The following MAGI1 variants were observed in gnomAD, a reference collection of about 807,000 sequenced individuals.
MAGI1 encodes membrane associated guanylate kinase, WW and PDZ domain containing 1, also known as membrane-associated guanylate kinase, WW and PDZ domain-containing protein 1.
MAGI1 carries 58 observed loss-of-function variants against 139.9 expected under a neutral mutation model. The observed-to-expected ratio is 0.41, with a 90% CI of 0.34 to 0.52. The LOEUF (loss-of-function observed/expected upper bound fraction) is 0.52. MAGI1 is among the 20% of genes least tolerant of loss of function. MAGI1 has a pLI of 0.12. For synonymous variants in MAGI1, 812 were observed against 737.9 expected (o/e 1.10, Z -1.63); for missense variants, 1,874 against 1,901.6 (o/e 0.99, Z 0.27).
At chr3:65,487,734 T>G (rs1951716347) in intron 3 of MAGI1, among the ~76,000 whole-genome samples, 1 of 152,188 alleles carries the variant, frequency 6.6e-6, no homozygotes, top group African/African-American at 2.4e-5. Context: ...ACCACTCCTC[T>G]GCATAACATC....
At chr3:65,359,234 C>T in intron 22 of MAGI1, 1 of 1,572,600 alleles carries the variant, frequency 6.4e-7, no homozygotes, top group Non-Finnish European at 8.6e-7. Flanking sequence ...CATTTAGATT[C>T]CCTATAACAC....
At chr3:65,418,288 G>A (rs1575673005) in intron 12 of MAGI1, among the ~76,000 whole-genome samples, 1 of 152,106 alleles carries the variant, frequency 6.6e-6, no homozygotes, top group Non-Finnish European at 1.5e-5. Flanking sequence ...TAACTAGATT[G>A]TGAGTACTAT....
In MAGI1 at chr3:65,408,007, A is replaced by G. The variant is rs563613062; in HGVS notation, c.2168-6537T>C. Among the ~76,000 whole-genome samples the G allele has an allele frequency of 3.1e-4, 47 of 152,290 alleles. 1 individual carries two copies. Among genetic ancestry groups the G allele is most frequent in the Admixed American group, 3.0e-3 (46 of 15,300 alleles). On this transcript the variant is annotated intron_variant, in intron 12 of 22. Coordinates refer to ENST00000402939, the MANE Select transcript of MAGI1 (RefSeq NM_001033057.2). ...CATGGCCTTGATTGAAAAATGTGAC[A>G]CAAAGCTGTTATAGCCCCTCTCAAG...
At chr3:65,753,749 GA>G (rs1256973916) in intron 1 of MAGI1, among the ~76,000 whole-genome samples, 1 of 150,764 alleles carries the variant, frequency 6.6e-6, no homozygotes, top group Non-Finnish European at 1.5e-5. Flanking sequence ...GCTGGCAAGT[GA>G]AAGAGTCTAG....
intron 2 of MAGI1, among the ~76,000 whole-genome samples, chr3:65,520,536 G>A (rs183006669): frequency 6.6e-6 from 1 of 152,126 alleles, no homozygotes. Flanking sequence ...AGATAATGTA[G>A]GTAAAATGCT....
intron 2 of MAGI1, among the ~76,000 whole-genome samples, chr3:65,516,175 C>CCTCT (rs994558203): frequency 1.3e-5 from 2 of 150,484 alleles, no homozygotes; most frequent in African/African-American, 2.4e-5. Flanking sequence ...ACCCTGTCTC[C>CCTCT]CTCTCTCTCT....
intron 4 of MAGI1, among the ~76,000 whole-genome samples, chr3:65,477,043 G>A (rs574549769): frequency 1.1e-4 from 16 of 152,128 alleles, no homozygotes; most frequent in Non-Finnish European, 2.1e-4. Context: ...CAATCCTAGC[G>A]AGTCATTTTA....
chr3:65,677,420 G>T (rs868544737), intron 1 of MAGI1, among the ~76,000 whole-genome samples: 1 of 152,152 alleles, frequency 6.6e-6, no homozygotes, highest in Middle Eastern at 3.2e-3. Flanking sequence ...TCATATCGAA[G>T]ACTTGACCTG....
chr3:65,382,638 CCT>C (rs1215139994), intron 15 of MAGI1, among the ~76,000 whole-genome samples: 1 of 152,168 alleles, frequency 6.6e-6, no homozygotes, highest in Non-Finnish European at 1.5e-5. Context: ...GCCTGCCTTG[CCT>C]TTCCAGCAGA....
chr3:65,798,511 G>A (rs900206287), intron 1 of MAGI1, among the ~76,000 whole-genome samples: 4 of 152,160 alleles, frequency 2.6e-5, no homozygotes, highest in African/African-American at 9.7e-5. Flanking sequence ...CAAGATAGGT[G>A]TAGGGGTGCT....
chr3:65,976,617 T>A (rs2107229290), intron 1 of MAGI1, among the ~76,000 whole-genome samples: 1 of 152,282 alleles, frequency 6.6e-6, no homozygotes, highest in African/African-American at 2.4e-5. Flanking sequence ...GGTGACAGAC[T>A]GGGACTCTGT....
intron 1 of MAGI1, among the ~76,000 whole-genome samples, chr3:65,878,955 G>A (rs73835408): frequency 6.6e-5 from 10 of 152,230 alleles, no homozygotes; most frequent in Non-Finnish European, 1.2e-4. Context: ...CATTCAGCCC[G>A]CCTGACTTCC....
chr3:65,377,843 T>A (rs140693878), intron 17 of MAGI1, among the ~76,000 whole-genome samples: 59 of 152,288 alleles, frequency 3.9e-4, no homozygotes, highest in African/African-American at 1.4e-3. Context: ...TGAGTCACTG[T>A]CCCCTGTTAA....
chr3:65,708,342 T>C (rs2030751064), intron 1 of MAGI1, among the ~76,000 whole-genome samples: 1 of 151,664 alleles, frequency 6.6e-6, no homozygotes, highest in African/African-American at 2.4e-5. Flanking sequence ...CCTCTTGTAA[T>C]TACCAGTGAG....
intron 1 of MAGI1, among the ~76,000 whole-genome samples, chr3:65,796,063 AAAAAAAAGAAAAG>A (rs1559890822): frequency 6.6e-6 from 1 of 151,516 alleles, no homozygotes; most frequent in African/African-American, 2.4e-5. Context: ...AAAAAAAAAA[AAAAAAAAGAAAAG>A]AAAAGAAAAG....
chr3:65,816,580 C>T (rs1443411170), intron 1 of MAGI1, among the ~76,000 whole-genome samples: 2 of 150,938 alleles, frequency 1.3e-5, no homozygotes, highest in Non-Finnish European at 1.5e-5. Context: ...TTTGACATGA[C>T]CGATTGTCCA....
chr3:65,756,728 C>T (rs1018912663), intron 1 of MAGI1, among the ~76,000 whole-genome samples: 5 of 152,080 alleles, frequency 3.3e-5, no homozygotes, highest in South Asian at 4.1e-4. Flanking sequence ...ATGACATATT[C>T]GGAAGTCATC....
In MAGI1 at chr3:66,017,379, G is replaced by T. The variant is rs1030185319; in HGVS notation, c.313+20617C>A. 3.9e-5 allele frequency among the ~76,000 whole-genome samples: 6 copies of T among 152,234 alleles called. No homozygotes were observed. In the East Asian group the frequency reaches 1.2e-3, roughly 29 times the overall value. On this transcript the variant is annotated intron_variant, in intron 1 of 22. Transcript: ENST00000402939. ...AGGCACCAACGTCTCCCTCCCAACGGAGGGTGCAAGGAAGGGTGCCTGGCC... is the reference window on the plus strand; with the variant it reads ...AGGCACCAACGTCTCCCTCCCAACGTAGGGTGCAAGGAAGGGTGCCTGGCC...
rs540192288 is a variant in MAGI1, at chr3:65,479,116, T to C, written c.551-318A>G. 3.3e-5 allele frequency among the ~76,000 whole-genome samples: 5 copies of C among 152,306 alleles called. No individual in the cohort carries two copies. In the South Asian group the frequency reaches 1.0e-3, roughly 32 times the overall value. The stretch of plus-strand genomic sequence containing the variant: ...AATATCAATTGGTCATCTTTTTACA[T>C]ATATGCACCAGCATAATGCTGAATC... On this transcript the variant is annotated intron_variant, in intron 3 of 22. Transcript: ENST00000402939.
Sources: gnomAD v4.1 joint callset for allele counts (sites outside exome capture counted in the v4.1 genomes callset) on GRCh38, gnomAD v4.1.1 for gene constraint, MANE v1.5 for transcripts, NCBI Gene and HGNC (gene_info 2026-07-23, HGNC 2026-07-21) for gene names.